Variants in MITF observed in about 807,000 individuals in gnomAD.
MITF encodes the protein melanocyte inducing transcription factor.
Under a neutral mutation model 60.5 loss-of-function variants are expected in MITF, and 17 were observed. The ratio of observed to expected loss-of-function variants is 0.28; its 90% CI spans 0.19 to 0.42. MITF has a LOEUF of 0.42. MITF is among the 10% of genes least tolerant of loss of function. The pLI is 1.00. For missense variants in MITF, 622 were observed against 683.5 expected (o/e 0.91, Z 1.00); for synonymous variants, 260 against 248.5 (o/e 1.05, Z -0.43).
chr3:69,894,681 A>G (rs1353482730), intron 2 of MITF, among the ~76,000 whole-genome samples: 1 of 151,958 alleles, frequency 6.6e-6, no homozygotes, highest in African/African-American at 2.4e-5. Context: ...AGTGAAAAAA[A>G]AAAAAAAAGA....
At chr3:69,847,849 G>A (rs1481336448) in intron 1 of MITF, among the ~76,000 whole-genome samples, 1 of 152,156 alleles carries the variant, frequency 6.6e-6, no homozygotes, top group Non-Finnish European at 1.5e-5. Context: ...CTTCATAACA[G>A]GAATTCTTAT....
At chr3:69,846,707 C>T (rs939648700) in intron 1 of MITF, among the ~76,000 whole-genome samples, 2 of 150,918 alleles carry the variant, frequency 1.3e-5, no homozygotes, top group South Asian at 4.2e-4. Context: ...ATCCCAGCTG[C>T]TCAGGAGGCT....
At chr3:69,852,793 C>A (rs944569628) in intron 1 of MITF, among the ~76,000 whole-genome samples, 2 of 152,108 alleles carry the variant, frequency 1.3e-5, no homozygotes, top group African/African-American at 4.8e-5. Flanking sequence ...TCTGAGTGTG[C>A]CATTTGCTCT....
intron 2 of MITF, among the ~76,000 whole-genome samples, chr3:69,913,966 A>T (rs572507630): frequency 2.6e-5 from 4 of 152,336 alleles, no homozygotes; most frequent in African/African-American, 7.2e-5. Flanking sequence ...ATGTGAATTA[A>T]CAAAATGCTT....
intron 2 of MITF, among the ~76,000 whole-genome samples, chr3:69,933,462 G>A (rs999290665): frequency 3.9e-5 from 6 of 152,080 alleles, no homozygotes; most frequent in African/African-American, 1.4e-4. Context: ...TGGTAAAGCT[G>A]AAGTGTGACA....
At chr3:69,833,605 C>A (rs759371874) in intron 1 of MITF, among the ~76,000 whole-genome samples, 3 of 148,960 alleles carry the variant, frequency 2.0e-5, no homozygotes, top group Non-Finnish European at 3.0e-5. Context: ...GGTTGTTTTT[C>A]TGTTTACATT....
chr3:69,937,068 GTT>G (rs2065854884), intron 2 of MITF: 1 of 254,306 alleles, frequency 3.9e-6, no homozygotes, highest in Non-Finnish European at 7.4e-6. Context: ...GAATAATGTT[GTT>G]TTTTGGGGAA....
chr3:69,822,771 C>T (rs2063295893), intron 1 of MITF, among the ~76,000 whole-genome samples: 4 of 152,098 alleles, frequency 2.6e-5, no homozygotes, highest in Admixed American at 2.6e-4. Flanking sequence ...GCTTGCTTTC[C>T]CCAAGTCATT....
rs960765353 is a variant in MITF, at chr3:69,926,547, G to C, written c.355-11275G>C. On this transcript the variant is annotated intron_variant, in intron 2 of 9. Transcript: ENST00000352241. ...AATACCCGATAAACTGCAAACAATG[G>C]GGGCATTTGAGGGGGGAAATGGTAC... Among the ~76,000 whole-genome samples, 6 of 152,170 alleles carry C rather than the reference G, an allele frequency of 3.9e-5. No individual in the cohort carries two copies. In the South Asian group the frequency reaches 1.2e-3, roughly 32 times the overall value.
At position 69,896,051 on chromosome 3, in the gene MITF, G is replaced by A. The variant is rs573448641; in HGVS notation, c.354+16668G>A. 7.3e-5 allele frequency among the ~76,000 whole-genome samples: 11 copies of A among 151,410 alleles called. No individual in the cohort carries two copies. The South Asian group carries it at 2.3e-3, about 32-fold the overall frequency. On this transcript the variant is annotated intron_variant, in intron 2 of 9. Coordinates refer to ENST00000352241, the MANE Select transcript of MITF (RefSeq NM_001354604.2). ...CCCTTGAATCCTAGCTCTGTCCTTT[G>A]ATAAACTTGGGCAAGTGACTTAGTC...
rs2107275538 is a variant in MITF at position 69,879,127 on chromosome 3, C to T, written c.105-7C>T. The T allele has an allele frequency of 6.2e-7, 1 of 1,613,922 alleles. No individual in the cohort carries two copies. ...TAAATGTTGTATGCATTTTGGTTTT[C>T]CCACAGCAGTTCCGCCGAGCATCCT... On this transcript the variant is annotated splice_polypyrimidine_tract_variant and splice_region_variant and intron_variant, in intron 1 of 9. Transcript: ENST00000352241.
At chr3:69,855,925 G>A (rs890542508) in intron 1 of MITF, among the ~76,000 whole-genome samples, 7 of 151,958 alleles carry the variant, frequency 4.6e-5, no homozygotes, top group South Asian at 2.1e-4. Flanking sequence ...ATCAACAAAC[G>A]CAGCATGTAA....
chr3:69,926,856 A>C (rs1319351070), intron 2 of MITF, among the ~76,000 whole-genome samples: 2 of 152,250 alleles, frequency 1.3e-5, no homozygotes, highest in Non-Finnish European at 2.9e-5. Context: ...AGTTCAAGAA[A>C]AAGTTGAAAC....
intron 1 of MITF, among the ~76,000 whole-genome samples, chr3:69,834,603 T>A (rs2063508827): frequency 6.6e-6 from 1 of 152,322 alleles, no homozygotes; most frequent in East Asian, 1.9e-4. Context: ...ATCACATATC[T>A]TGGCTATTGT....
intron 1 of MITF, among the ~76,000 whole-genome samples, chr3:69,851,613 T>C (rs1449680363): frequency 6.6e-6 from 1 of 152,096 alleles, no homozygotes; most frequent in Non-Finnish European, 1.5e-5. Context: ...AGGCAAAACA[T>C]AGAAACAGAA....
chr3:69,903,438 T>C (rs1025491236), intron 2 of MITF, among the ~76,000 whole-genome samples: 2 of 152,162 alleles, frequency 1.3e-5, no homozygotes, highest in Admixed American at 1.3e-4. Flanking sequence ...TGACTAACTA[T>C]CTTGCAGATG....
intron 1 of MITF, among the ~76,000 whole-genome samples, chr3:69,754,720 G>A (rs1216962224): frequency 2.0e-5 from 3 of 151,768 alleles, no homozygotes; most frequent in South Asian, 2.1e-4. Context: ...AGAGGACAGT[G>A]CATAATAATA....
At chr3:69,914,462 A>G (rs1279798880) in intron 2 of MITF, among the ~76,000 whole-genome samples, 2 of 152,128 alleles carry the variant, frequency 1.3e-5, no homozygotes, top group Non-Finnish European at 2.9e-5. Context: ...ATATTTCAGA[A>G]GAGGATATTT....
At chr3:69,914,210 C>T (rs1330743447) in intron 2 of MITF, among the ~76,000 whole-genome samples, 1 of 152,182 alleles carries the variant, frequency 6.6e-6, no homozygotes, top group African/African-American at 2.4e-5. Context: ...CAACCTCTGC[C>T]TCCCGGGTTC....
Sources: allele counts gnomAD v4.1 joint callset (sites outside exome capture counted in the v4.1 genomes callset), GRCh38; gene constraint gnomAD v4.1.1; transcripts MANE v1.5; gene names NCBI Gene and HGNC (gene_info 2026-07-23, HGNC 2026-07-21).